MICU3: variants seen among roughly 807,000 people sequenced by gnomAD.
The protein encoded by MICU3 is calcium uptake protein 3, mitochondrial.
Under a neutral mutation model 66.5 loss-of-function variants are expected in MICU3, and 62 were observed. The ratio of observed to expected loss-of-function variants is 0.93; its 90% CI spans 0.76 to 1.15. The LOEUF (loss-of-function observed/expected upper bound fraction) is 1.15. Among genes scored for constraint, MICU3 ranks in the 50% most tolerant of loss-of-function variants. The pLI, the probability that MICU3 is intolerant of heterozygous loss-of-function variation, is 0.00. For synonymous variants in MICU3, 308 were observed against 240.7 expected (o/e 1.28, Z -2.59); for missense variants, 779 against 664.4 (o/e 1.17, Z -1.90).
chr8:17,105,996 T>C (rs917707730), intron 11 of MICU3, among the ~76,000 whole-genome samples: 1 of 152,098 alleles, frequency 6.6e-6, no homozygotes, highest in Non-Finnish European at 1.5e-5. Flanking sequence ...CCACCATTGA[T>C]GAGTGAGTGA....
At chr8:17,043,893 G>A (rs1470440191) in intron 1 of MICU3, among the ~76,000 whole-genome samples, 1 of 152,182 alleles carries the variant, frequency 6.6e-6, no homozygotes, top group African/African-American at 2.4e-5. Flanking sequence ...TGTAAATTTT[G>A]TGAGTTATAA....
intron 1 of MICU3, among the ~76,000 whole-genome samples, chr8:17,057,993 A>C (rs1563306907): frequency 6.6e-6 from 1 of 151,922 alleles, no homozygotes; most frequent in East Asian, 1.9e-4. Flanking sequence ...GATTACAGGC[A>C]CTCGCCACCA....
Position 17,085,309 on chromosome 8 carries a change from GT to G in MICU3, c.773del (p.Leu258TrpfsTer57). 1.3e-6 allele frequency: 2 copies of G among 1,598,538 alleles called. No homozygotes were observed. The highest frequency in any genetic ancestry group is 1.7e-6 in the Non-Finnish European group (2 of 1,167,332). ...GCAATGAGATGGTGGATAAAAAAGA[GT>G]TTTTGGTGGTATGTATACTAGATGC... ...DGNEMVDKKE[F>X]LVLQEIFRKK... is the part of the protein sequence containing the mutation. On this transcript the variant is annotated frameshift_variant, in exon 6 of 15. Coordinates refer to ENST00000318063, the MANE Select transcript of MICU3 (RefSeq NM_181723.3). LOFTEE classifies it high-confidence loss of function.
chr8:17,059,102 A>C (rs1817431107), intron 1 of MICU3, among the ~76,000 whole-genome samples: 1 of 152,230 alleles, frequency 6.6e-6, no homozygotes, highest in Non-Finnish European at 1.5e-5. Flanking sequence ...TTAAATATTC[A>C]TCTTGGAAAC....
intron 3 of MICU3, among the ~76,000 whole-genome samples, chr8:17,075,542 G>A (rs1820254189): frequency 6.6e-6 from 1 of 152,110 alleles, no homozygotes; most frequent in African/African-American, 2.4e-5. Flanking sequence ...CTAGGAGTTT[G>A]GAGGAGGGAG....
At chr8:17,129,499 A>G in the MICU3 span, among the ~76,000 whole-genome samples, 1 of 152,228 alleles carries the variant, frequency 6.6e-6, no homozygotes, top group African/African-American at 2.4e-5. Context: ...AAAATACAAT[A>G]CTTGAAATAA....
chr8:17,029,553 A>T (rs1188142915), intron 1 of MICU3, among the ~76,000 whole-genome samples: 1 of 152,118 alleles, frequency 6.6e-6, no homozygotes, highest in Admixed American at 6.6e-5. Flanking sequence ...GTTTATAAAA[A>T]TTTCTGTTCA....
intron 5 of MICU3, among the ~76,000 whole-genome samples, chr8:17,084,844 T>C (rs1799292705): frequency 6.6e-6 from 1 of 152,112 alleles, no homozygotes; most frequent in Admixed American, 6.6e-5. Context: ...TTAGTTATAA[T>C]TTTCCCAAGA....
At chr8:17,130,760 G>A in the MICU3 span, among the ~76,000 whole-genome samples, 3 of 152,026 alleles carry the variant, frequency 2.0e-5, no homozygotes, top group South Asian at 2.1e-4. Flanking sequence ...AACCCATAAC[G>A]CAGGAAAGGA....
chr8:17,048,446 C>T (rs559989965), intron 1 of MICU3, among the ~76,000 whole-genome samples: 3 of 152,124 alleles, frequency 2.0e-5, no homozygotes, highest in Admixed American at 6.5e-5. Flanking sequence ...TATATAAAAC[C>T]ATCAGATCTG....
intron 11 of MICU3, 46 bp from the exon 12 acceptor site, chr8:17,114,047 A>AG: frequency 8.6e-7 from 1 of 1,156,274 alleles, no homozygotes; most frequent in Non-Finnish European, 1.2e-6. Context: ...TGATTTTAAT[A>AG]AATTTGGCAA....
intron 3 of MICU3, among the ~76,000 whole-genome samples, chr8:17,073,272 A>G (rs1157042639): frequency 1.3e-5 from 2 of 152,180 alleles, no homozygotes; most frequent in Non-Finnish European, 2.9e-5. Context: ...CTGTATTTAC[A>G]GCCACTCTCC....
intron 2 of MICU3, among the ~76,000 whole-genome samples, chr8:17,068,368 C>G (rs1819041634): frequency 1.3e-5 from 2 of 152,100 alleles, no homozygotes; most frequent in African/African-American, 4.8e-5. Context: ...CTCAAGAGTA[C>G]CTCTAACTTC....
Position 17,064,123 on chromosome 8 carries a change from T to G in MICU3, c.421T>G (p.Tyr141Asp). 6.2e-7 allele frequency: 1 copy of G among 1,613,394 alleles called. No homozygotes were observed. Among genetic ancestry groups the G allele is most frequent in the Non-Finnish European group, 8.5e-7 (1 of 1,179,510 alleles). Residue 141 changes from tyrosine to aspartate, a missense_variant, in exon 2 of 15, where the codon TAT becomes GAT. By Grantham distance (160) the Tyr-to-Asp change is radical (BLOSUM62 -3). Coordinates refer to ENST00000318063, the MANE Select transcript of MICU3 (RefSeq NM_181723.3). ...GRTDIEDLDL[Y>D]ATSRERRFRL... ...AACAGACATTGAAGACTTAGACCTTTATGCCACATCTCGGGAGAGGCGATT... is the reference window on the plus strand; with the variant it reads ...AACAGACATTGAAGACTTAGACCTTGATGCCACATCTCGGGAGAGGCGATT...
At chr8:17,081,379 T>A (rs1821156479) in intron 4 of MICU3, among the ~76,000 whole-genome samples, 1 of 152,130 alleles carries the variant, frequency 6.6e-6, no homozygotes, top group South Asian at 2.1e-4. Flanking sequence ...ACAACTTTTT[T>A]ATTTTGTGTT....
intron 1 of MICU3, among the ~76,000 whole-genome samples, chr8:17,061,810 G>T (rs890627409): frequency 6.6e-6 from 1 of 152,164 alleles, no homozygotes; most frequent in Non-Finnish European, 1.5e-5. Flanking sequence ...GACTAAGATG[G>T]TAGTCTGATC....
downstream of MICU3, among the ~76,000 whole-genome samples, chr8:17,127,368 A>T (rs1395330823): frequency 6.6e-6 from 1 of 152,206 alleles, no homozygotes; most frequent in African/African-American, 2.4e-5. Flanking sequence ...TCAAAACTAC[A>T]TTGTGCCCTG....
chr8:17,113,290 T>G (rs1360566125), intron 11 of MICU3, among the ~76,000 whole-genome samples: 1 of 152,246 alleles, frequency 6.6e-6, no homozygotes. Context: ...GTTCTCTTTC[T>G]TAATTATGTT....
In MICU3 at chr8:17,047,695, G is replaced by A. The variant is rs146905566; in HGVS notation, c.382-16389G>A. ...TCTTCAAAAGTGAGAGAAAATAACTGCCACTTAGATTTCTATACCTCGGTA... is the reference window on the plus strand; with the variant it reads ...TCTTCAAAAGTGAGAGAAAATAACTACCACTTAGATTTCTATACCTCGGTA... On this transcript the variant is annotated intron_variant, in intron 1 of 14. Transcript: ENST00000318063. Among the ~76,000 whole-genome samples the A allele has an allele frequency of 1.1e-3, 162 of 152,242 alleles. 2 individuals carry two copies. Among genetic ancestry groups the A allele is most frequent in the Non-Finnish European group, 1.6e-3 (111 of 68,032 alleles).
Sources: allele counts gnomAD v4.1 joint callset (sites outside exome capture counted in the v4.1 genomes callset), GRCh38; gene constraint gnomAD v4.1.1; transcripts MANE v1.5; gene names NCBI Gene and HGNC (gene_info 2026-07-23, HGNC 2026-07-21).